The following NR3C2 variants were observed in gnomAD, a reference collection of about 807,000 sequenced individuals.
NR3C2 encodes the protein mineralocorticoid receptor.
In NR3C2, 15 loss-of-function variants were observed where a neutral mutation model predicts 86.4. The observed-to-expected ratio is 0.17, with a 90% CI of 0.12 to 0.27. The LOEUF (loss-of-function observed/expected upper bound fraction) is 0.27. Ranked by LOEUF, NR3C2 falls within the 10% of genes least tolerant of loss-of-function variation. NR3C2 has a pLI of 1.00. For missense variants in NR3C2, 960 were observed against 1,195.6 expected, an observed-to-expected ratio of 0.80 and a Z score of 2.91; for synonymous variants, 458 against 450.5, an observed-to-expected ratio of 1.02 and a Z score of -0.21.
chr4:148,308,091 A>G (rs1027205703), intron 2 of NR3C2, among the ~76,000 whole-genome samples: 3 of 152,160 alleles, frequency 2.0e-5, no homozygotes, highest in Non-Finnish European at 4.4e-5. Context: ...CCAAACATTT[A>G]AGAAACTTCA....
intron 2 of NR3C2, among the ~76,000 whole-genome samples, chr4:148,272,675 T>C (rs1447090855): frequency 3.3e-5 from 5 of 152,208 alleles, no homozygotes; most frequent in African/African-American, 9.6e-5. Flanking sequence ...ATAACTTTCA[T>C]CTTTTGCCTA....
At chr4:148,156,336 T>C (rs1238071906) in intron 4 of NR3C2, among the ~76,000 whole-genome samples, 4 of 151,866 alleles carry the variant, frequency 2.6e-5, no homozygotes. Context: ...ACCTACAAAA[T>C]GGGAGAAAAT....
At chr4:148,319,252 T>C (rs952096439) in intron 2 of NR3C2, among the ~76,000 whole-genome samples, 23 of 152,182 alleles carry the variant, frequency 1.5e-4, no homozygotes, top group Non-Finnish European at 1.6e-4. Context: ...GTTTTGGTAC[T>C]AGTACCATGC....
chr4:148,424,690 T>A (rs1173829577), intron 2 of NR3C2, among the ~76,000 whole-genome samples: 2 of 151,052 alleles, frequency 1.3e-5, no homozygotes, highest in Non-Finnish European at 1.5e-5. Flanking sequence ...AAAGGCTACA[T>A]AGAGTTTATA....
chr4:148,416,185 A>T (rs1748986621), intron 2 of NR3C2, among the ~76,000 whole-genome samples: 1 of 152,240 alleles, frequency 6.6e-6, no homozygotes, highest in South Asian at 2.1e-4. Context: ...AGTTATTTAA[A>T]TTTTTGTAAA....
intron 6 of NR3C2, among the ~76,000 whole-genome samples, chr4:148,126,030 A>G (rs1732729968): frequency 1.3e-5 from 2 of 152,200 alleles, no homozygotes; most frequent in Admixed American, 1.3e-4. Context: ...CACAACACGC[A>G]TTTCATACTG....
chr4:148,129,736 C>G (rs1319405316), intron 6 of NR3C2, among the ~76,000 whole-genome samples: 1 of 152,148 alleles, frequency 6.6e-6, no homozygotes, highest in African/African-American at 2.4e-5. Context: ...GTTGGGATTA[C>G]AGGCGCGTGC....
rs188964896 is a variant in NR3C2 at position 148,210,257 on chromosome 4, C to G, written c.1898-15395G>C. On this transcript the variant is annotated intron_variant, in intron 3 of 8. Coordinates refer to ENST00000358102, the MANE Select transcript of NR3C2 (RefSeq NM_000901.5). ...CCAGGCTGGAGTGCAGTGGCGCAGT[C>G]TTGGTTCACTGTAACCTCCACCTCC... 1.2e-4 allele frequency among the ~76,000 whole-genome samples: 18 copies of G among 152,228 alleles called. No individual in the cohort carries two copies. In the East Asian group the frequency reaches 2.9e-3, roughly 24 times the overall value.
chr4:148,107,396 T>C lies in NR3C2; in HGVS notation c.2799+6708A>G, dbSNP rs376979743. Among the ~76,000 whole-genome samples the C allele has an allele frequency of 9.8e-5, 15 of 152,338 alleles. No individual in the cohort carries two copies. The South Asian group carries it at 2.1e-3, about 21-fold the overall frequency. Reference sequence around the variant, plus strand: ...AATAGGAATGCTTTTACACTGTTGGTGGGAATGTAATTTAGTTCAACCATT... The same window carrying C: ...AATAGGAATGCTTTTACACTGTTGGCGGGAATGTAATTTAGTTCAACCATT... On this transcript the variant is annotated intron_variant, in intron 8 of 8. Coordinates refer to ENST00000358102, the MANE Select transcript of NR3C2 (RefSeq NM_000901.5).
At chr4:148,420,349 T>A (rs1219846892) in intron 2 of NR3C2, among the ~76,000 whole-genome samples, 1 of 152,236 alleles carries the variant, frequency 6.6e-6, no homozygotes, top group African/African-American at 2.4e-5. Context: ...AGAGATTCTA[T>A]TTTCTTTAAG....
chr4:148,197,915 G>A (rs536614317), intron 3 of NR3C2, among the ~76,000 whole-genome samples: 1 of 152,122 alleles, frequency 6.6e-6, no homozygotes, highest in South Asian at 2.1e-4. Flanking sequence ...TAGGACTCAG[G>A]GAACTTTAGT....
At chr4:148,187,041 TATAA>T (rs1456063955) in intron 4 of NR3C2, among the ~76,000 whole-genome samples, 7 of 132,610 alleles carry the variant, frequency 5.3e-5, no homozygotes, top group South Asian at 2.4e-4. Flanking sequence ...TATATATATA[TATAA>T]AGAAACTGTG....
chr4:148,151,019 T>C (rs950290201), intron 6 of NR3C2, among the ~76,000 whole-genome samples: 1 of 152,098 alleles, frequency 6.6e-6, no homozygotes, highest in African/African-American at 2.4e-5. Context: ...AGGGGAGTGA[T>C]TGTTGAATGG....
chr4:148,417,314 C>A (rs1032507361), intron 2 of NR3C2, among the ~76,000 whole-genome samples: 1 of 152,184 alleles, frequency 6.6e-6, no homozygotes, highest in Non-Finnish European at 1.5e-5. Context: ...CGTGCACACA[C>A]GTACTTCCTT....
At chr4:148,136,852 C>T (rs1333030162) in intron 6 of NR3C2, among the ~76,000 whole-genome samples, 1 of 152,142 alleles carries the variant, frequency 6.6e-6, no homozygotes, top group Non-Finnish European at 1.5e-5. Flanking sequence ...CCTTGTTGGG[C>T]CACCATTTAT....
chr4:148,367,107 G>C (rs1220972719), intron 2 of NR3C2, among the ~76,000 whole-genome samples: 1 of 152,120 alleles, frequency 6.6e-6, no homozygotes, highest in East Asian at 1.9e-4. Context: ...ATTTAAACAA[G>C]TGTTCATGTC....
chr4:148,421,854 A>G (rs1189965484), intron 2 of NR3C2, among the ~76,000 whole-genome samples: 2 of 152,174 alleles, frequency 1.3e-5, no homozygotes, highest in Non-Finnish European at 2.9e-5. Context: ...CTGGCAACAA[A>G]TTCAGTCTTC....
chr4:148,190,533 T>C (rs1215326962), intron 4 of NR3C2, among the ~76,000 whole-genome samples: 1 of 152,218 alleles, frequency 6.6e-6, no homozygotes, highest in Non-Finnish European at 1.5e-5. Flanking sequence ...ATGTTCTGTA[T>C]ACATCTGTTA....
At chr4:148,395,489 T>C (rs1206442992) in intron 2 of NR3C2, among the ~76,000 whole-genome samples, 1 of 152,190 alleles carries the variant, frequency 6.6e-6, no homozygotes, top group Non-Finnish European at 1.5e-5. Flanking sequence ...CCTGAACAGA[T>C]GCACTTCTCA....
Sources: gnomAD v4.1 joint callset for allele counts (sites outside exome capture counted in the v4.1 genomes callset) on GRCh38, gnomAD v4.1.1 for gene constraint, MANE v1.5 for transcripts, NCBI Gene and HGNC (gene_info 2026-07-23, HGNC 2026-07-21) for gene names.